The following PCDH9 variants were observed in gnomAD, a reference collection of about 807,000 sequenced individuals.
The protein encoded by PCDH9 is protocadherin-9.
Under a neutral mutation model 70.6 loss-of-function variants are expected in PCDH9, and 24 were observed. That is an observed-to-expected ratio of 0.34 (90% confidence interval 0.25 to 0.48). The LOEUF is 0.48. PCDH9 is among the 20% of genes least tolerant of loss of function. The pLI is 0.99. For missense variants in PCDH9, 1,281 were observed against 1,503.6 expected (o/e 0.85, Z 2.45); for synonymous variants, 562 against 558.5 (o/e 1.01, Z -0.09).
intron 2 of PCDH9, among the ~76,000 whole-genome samples, chr13:66,918,883 C>A (rs1005028934): frequency 1.3e-5 from 2 of 151,206 alleles, no homozygotes; most frequent in Admixed American, 6.6e-5. Context: ...TGTCATCATG[C>A]ACTTTGGAAG....
intron 2 of PCDH9, among the ~76,000 whole-genome samples, chr13:67,056,156 G>T (rs568836184): frequency 6.6e-6 from 1 of 152,076 alleles, no homozygotes; most frequent in Non-Finnish European, 1.5e-5. Flanking sequence ...TCATAAGGTG[G>T]TTAATGTACT....
At chr13:66,734,419 T>C (rs2079117799) in intron 3 of PCDH9, among the ~76,000 whole-genome samples, 1 of 152,190 alleles carries the variant, frequency 6.6e-6, no homozygotes, top group African/African-American at 2.4e-5. Flanking sequence ...TAAACAGTAA[T>C]TGTGAGCTTC....
intron 3 of PCDH9, among the ~76,000 whole-genome samples, chr13:66,717,552 G>A (rs969062297): frequency 2.2e-5 from 3 of 138,342 alleles, no homozygotes; most frequent in Non-Finnish European, 4.6e-5. Flanking sequence ...GATATGTCTC[G>A]CATACAACTG....
At chr13:66,765,182 C>A (rs17081753) in intron 3 of PCDH9, among the ~76,000 whole-genome samples, 40,125 of 151,374 alleles carry the variant, frequency 0.27, 5,889 homozygotes, top group East Asian at 0.43. Context: ...CAGATCTAAT[C>A]GAATCCATTA....
At chr13:66,970,238 G>A (rs549479356) in intron 2 of PCDH9, among the ~76,000 whole-genome samples, 25 of 152,094 alleles carry the variant, frequency 1.6e-4, no homozygotes, top group Admixed American at 3.3e-4. Flanking sequence ...CACTGCAGAA[G>A]AACCTAAAAA....
chr13:66,775,334 A>G (rs1301138373), intron 3 of PCDH9, among the ~76,000 whole-genome samples: 1 of 152,210 alleles, frequency 6.6e-6, no homozygotes, highest in Non-Finnish European at 1.5e-5. Context: ...GAGCAAAACA[A>G]GGCTTTGTTA....
At chr13:66,317,875 G>T (rs192142381) in intron 4 of PCDH9, among the ~76,000 whole-genome samples, 1 of 152,160 alleles carries the variant, frequency 6.6e-6, no homozygotes, top group East Asian at 1.9e-4. Context: ...TTTTTAAAAG[G>T]CTAATATGTC....
chr13:66,713,139 A>G (rs1295393516), intron 3 of PCDH9, among the ~76,000 whole-genome samples: 3 of 152,126 alleles, frequency 2.0e-5, no homozygotes, highest in African/African-American at 7.2e-5. Context: ...ATCACTCCTG[A>G]ACAAGCTGAG....
chr13:67,018,795 T>C (rs568763656), intron 2 of PCDH9, among the ~76,000 whole-genome samples: 1 of 152,302 alleles, frequency 6.6e-6, no homozygotes, highest in African/African-American at 2.4e-5. Flanking sequence ...TTCTCAATAA[T>C]GCATCCTCGC....
chr13:66,590,688 T>C (rs2077027317), intron 4 of PCDH9, among the ~76,000 whole-genome samples: 1 of 151,856 alleles, frequency 6.6e-6, no homozygotes, highest in Non-Finnish European at 1.5e-5. Context: ...ACAGGTATAG[T>C]ATAGGTTGAA....
In PCDH9 at chr13:66,677,094, A is replaced by C. The variant is rs572350045; in HGVS notation, c.3139-45683T>G. On this transcript the variant is annotated intron_variant, in intron 3 of 4. Coordinates refer to ENST00000377865, the MANE Select transcript of PCDH9 (RefSeq NM_203487.3). ...ATTGACCATGGTTATAAAATCATTA[A>C]AGGGTGTGTAGCCATCAGAGTACCT... Among the ~76,000 whole-genome samples the C allele has an allele frequency of 3.9e-5, 6 of 152,224 alleles. No individual in the cohort carries two copies. The South Asian group carries it at 1.2e-3, about 32-fold the overall frequency.
chr13:66,831,794 G>A (rs1304497455), intron 3 of PCDH9, among the ~76,000 whole-genome samples: 3 of 152,194 alleles, frequency 2.0e-5, no homozygotes, highest in East Asian at 1.9e-4. Context: ...TACAATTAGT[G>A]GGGAGCATTT....
Position 67,227,613 on chromosome 13 carries a change from G to A in PCDH9, c.828C>T (p.Ala276=). 1.2e-6 allele frequency: 2 copies of A among 1,613,910 alleles called. No individual in the cohort carries two copies. Among genetic ancestry groups the A allele is most frequent in the Non-Finnish European group, 1.7e-6 (2 of 1,179,844 alleles). Residue 276 remains alanine, a synonymous_variant, in exon 2 of 5, where the codon GCC becomes GCT. Transcript: ENST00000377865. The surrounding 1 kb of genome is among the most constrained non-coding windows in gnomAD (Gnocchi z 4.6). ...PVGTSVIQLH[A]TDADIGSNAE... is the part of the protein sequence containing the mutation. Reference sequence around the variant, plus strand: ...CATTACTGCCTATATCTGCATCAGTGGCATGGAGCTGAATTACAGAGGTAC... The same window carrying A: ...CATTACTGCCTATATCTGCATCAGTAGCATGGAGCTGAATTACAGAGGTAC...
At chr13:66,593,393 G>A (rs1385538590) in intron 4 of PCDH9, among the ~76,000 whole-genome samples, 2 of 151,598 alleles carry the variant, frequency 1.3e-5, no homozygotes, top group South Asian at 2.1e-4. Context: ...AAGCAGATAT[G>A]GAATAGATTT....
chr13:66,314,693 T>G (rs1459057244), intron 4 of PCDH9, among the ~76,000 whole-genome samples: 1 of 152,184 alleles, frequency 6.6e-6, no homozygotes, highest in Non-Finnish European at 1.5e-5. Flanking sequence ...TCCCCTGAAT[T>G]TACCGTTCTT....
Position 66,766,108 on chromosome 13 carries a change from T to C in PCDH9, c.3139-134697A>G, listed in dbSNP as rs1336526233. On this transcript the variant is annotated intron_variant, in intron 3 of 4. Transcript: ENST00000377865. The stretch of plus-strand genomic sequence containing the variant: ...AAGAGATATTTAATAAAAAAGCTGA[T>C]AAAAGCATGGGGAGGTGTTTGGTGA... Among the ~76,000 whole-genome samples, 5 of 152,014 alleles carry C rather than the reference T, an allele frequency of 3.3e-5. No homozygotes were observed. The East Asian group carries it at 5.8e-4, about 18-fold the overall frequency.
At chr13:66,775,655 C>T (rs185185049) in intron 3 of PCDH9, among the ~76,000 whole-genome samples, 20 of 152,312 alleles carry the variant, frequency 1.3e-4, no homozygotes, top group Non-Finnish European at 2.2e-4. Flanking sequence ...CTTAATAACA[C>T]TTACTTTTAT....
intron 3 of PCDH9, among the ~76,000 whole-genome samples, chr13:66,669,427 T>C (rs185956206): frequency 1.3e-5 from 2 of 151,724 alleles, no homozygotes; most frequent in East Asian, 1.9e-4. Context: ...CAGTCTTCTA[T>C]CTTTTTTTTG....
intron 2 of PCDH9, among the ~76,000 whole-genome samples, chr13:66,952,965 G>GT (rs1240387320): frequency 2.6e-5 from 4 of 152,006 alleles, no homozygotes; most frequent in Non-Finnish European, 5.9e-5. Context: ...CCCATATTTA[G>GT]TTTTTTTCCT....
Sources: allele counts gnomAD v4.1 joint callset (sites outside exome capture counted in the v4.1 genomes callset), GRCh38; gene constraint gnomAD v4.1.1; non-coding constraint Gnocchi (gnomAD v3.1); transcripts MANE v1.5; gene names NCBI Gene and HGNC (gene_info 2026-07-23, HGNC 2026-07-21).